The following ESPNL variants were observed in gnomAD, a reference collection of about 807,000 sequenced individuals.
ESPNL encodes espin like.
In ESPNL, 49 loss-of-function variants were observed where a neutral mutation model predicts 46.8. That is an observed-to-expected ratio of 1.05 (90% CI 0.83 to 1.33). ESPNL has a LOEUF of 1.33. Among genes scored for constraint, ESPNL ranks in the 40% most tolerant of loss-of-function variants. ESPNL has a pLI of 0.00. For synonymous variants in ESPNL, 664 were observed against 662.1 expected, an observed-to-expected ratio of 1.00 and a Z score of -0.04; for missense variants, 1,540 against 1,436.6, an observed-to-expected ratio of 1.07 and a Z score of -1.16.
chr2:238,116,189 TC>T (rs1409724047), intron 4 of ESPNL, among the ~76,000 whole-genome samples: 2 of 152,202 alleles, frequency 1.3e-5, no homozygotes, highest in Non-Finnish European at 2.9e-5. Flanking sequence ...AGGTCCCCCG[TC>T]CCTCTTCCAA....
rs754253280 is a variant in ESPNL, at chr2:238,130,563, G to T, written c.1849G>T (p.Asp617Tyr). ...LKGVHGLVQG[D>Y]EKPSTRPLQD... ...GGGCGTGCATGGGCTAGTACAGGGG[G>T]ATGAGAAGCCATCCACCCGGCCCCT... The change falls in exon 9 of 9, where the codon GAT becomes TAT. Residue 617 changes from aspartate to tyrosine, a missense_variant. Physicochemically the swap from Asp to Tyr is radical, Grantham distance 160. Coordinates refer to ENST00000343063, the MANE Select transcript of ESPNL (RefSeq NM_194312.4). 2.5e-6 allele frequency: 4 copies of T among 1,585,048 alleles called. No individual in the cohort carries two copies. Among genetic ancestry groups the T allele is most frequent in the East Asian group, 2.3e-5 (1 of 43,816 alleles).
intron 4 of ESPNL, among the ~76,000 whole-genome samples, chr2:238,111,949 T>G (rs1251710343): frequency 1.3e-5 from 2 of 152,234 alleles, no homozygotes; most frequent in African/African-American, 4.8e-5. Flanking sequence ...GGCCTTATAT[T>G]CTTGAGTAAA....
In ESPNL at chr2:238,131,809, C is replaced by T. The variant is rs1692349137; in HGVS notation, c.*77C>T. On this transcript the variant is annotated 3_prime_UTR_variant, in exon 9 of 9. Coordinates refer to ENST00000343063, the MANE Select transcript of ESPNL (RefSeq NM_194312.4). ...TCTCTTTTCTTTTCCTTGCTCACAC[C>T]CTTGGTGTTCAGGTGAGCCGGGCAA... 4 of 1,485,266 alleles carry T rather than the reference C, an allele frequency of 2.7e-6. No individual in the cohort carries two copies. Among genetic ancestry groups the T allele is most frequent in the African/African-American group, 1.4e-5 (1 of 71,388 alleles). 92.0% of individuals were successfully genotyped at this position (1,485,266 alleles called of 1,614,324 possible).
intron 4 of ESPNL, among the ~76,000 whole-genome samples, chr2:238,109,012 G>A (rs143010587): frequency 2.1e-4 from 32 of 151,940 alleles, no homozygotes; most frequent in Non-Finnish European, 3.8e-4. Context: ...ACCATCCCCC[G>A]TCCACTCAGC....
Position 238,128,796 on chromosome 2 carries a change from G to T in ESPNL, c.1305G>T (p.Leu435=). 1 of 1,568,430 alleles carries T rather than the reference G, an allele frequency of 6.4e-7. No homozygotes were observed. Among genetic ancestry groups the T allele is most frequent in the Non-Finnish European group, 8.6e-7 (1 of 1,157,778 alleles). The part of the protein sequence containing the change: ...DGLPSGDIDG[L]VPTRDERGQP... ...TGCCCTCAGGCGACATCGACGGGCT[G>T]GTGCCCACGCGGGATGAGCGCGGCC... The change falls in exon 8 of 9, where the codon CTG becomes CTT. Residue 435 remains leucine, a synonymous_variant. Coordinates refer to ENST00000343063, the MANE Select transcript of ESPNL (RefSeq NM_194312.4).
intron 5 of ESPNL, among the ~76,000 whole-genome samples, chr2:238,124,671 ATG>A (rs1346588209): frequency 3.2e-5 from 4 of 123,190 alleles, no homozygotes; most frequent in African/African-American, 9.6e-5. Context: ...GAGAGTGTAC[ATG>A]TGTGTGTGTG....
chr2:238,125,319 T>C lies in ESPNL; in HGVS notation c.1037T>C (p.Leu346Pro), dbSNP rs1360659322. 1.3e-6 allele frequency: 2 copies of C among 1,571,620 alleles called. No individual in the cohort carries two copies. The highest frequency in any genetic ancestry group is 8.6e-7 in the Non-Finnish European group (1 of 1,158,970). Residue 346 changes from leucine (L) to proline (P), a missense_variant, in exon 6 of 9, where the codon CTG becomes CCG. Leu to Pro is a moderately conservative substitution (Grantham distance 98). Transcript: ENST00000343063. ...CCACCACCGTTCCCCCCACCTCCAC[T>C]GTTGGCCACGAGGCGCTCCCTGGAG... ...PPPPPFPPPP[L>P]LATRRSLEDG...
At position 238,131,504 on chromosome 2, in the gene ESPNL, C is replaced by T. The variant is rs550874409; in HGVS notation, c.2790C>T (p.Ser930=). 1.1e-5 allele frequency: 18 copies of T among 1,611,734 alleles called. No individual in the cohort carries two copies. Among genetic ancestry groups the T allele is most frequent in the East Asian group, 1.1e-4 (5 of 44,838 alleles). Residue 930 remains serine (S), a synonymous_variant, in exon 9 of 9, where the codon AGC becomes AGT. Coordinates refer to ENST00000343063, the MANE Select transcript of ESPNL (RefSeq NM_194312.4). Reference sequence around the variant, plus strand: ...TCAAAGCCCGCTTCTTTGGCTCCAGCCAGCGTCCCGCCTGGGATACGGAGC... The same window carrying T: ...TCAAAGCCCGCTTCTTTGGCTCCAGTCAGCGTCCCGCCTGGGATACGGAGC... ...EDIKARFFGS[S]QRPAWDTEPG...
chr2:238,120,614 CG>C (rs1408505644), intron 5 of ESPNL, among the ~76,000 whole-genome samples: 1 of 152,266 alleles, frequency 6.6e-6, no homozygotes, highest in Non-Finnish European at 1.5e-5. Flanking sequence ...AACCCAACCC[CG>C]GGGCCTTCCC....
chr2:238,116,763 C>T, intron 4 of ESPNL, 140 bp from the exon 5 acceptor site: 1 of 1,149,200 alleles, frequency 8.7e-7, no homozygotes, highest in East Asian at 2.4e-5. Context: ...CCCCACGGCC[C>T]AGATTCAAGT....
At chr2:238,112,453 T>G (rs1271854817) in intron 4 of ESPNL, among the ~76,000 whole-genome samples, 1 of 148,072 alleles carries the variant, frequency 6.8e-6, no homozygotes, top group Non-Finnish European at 1.5e-5. Flanking sequence ...TTTCCAACGA[T>G]CAGGTTTTAA....
At chr2:238,126,687 T>C (rs1178556569) in intron 6 of ESPNL, among the ~76,000 whole-genome samples, 1 of 151,914 alleles carries the variant, frequency 6.6e-6, no homozygotes, top group African/African-American at 2.4e-5. Flanking sequence ...TGTGTGTATG[T>C]GATTGTGTCT....
intron 3 of ESPNL, among the ~76,000 whole-genome samples, chr2:238,105,780 G>T (rs766927901): frequency 3.3e-5 from 5 of 152,152 alleles, no homozygotes; most frequent in African/African-American, 1.2e-4. Context: ...GGAGCAGTAG[G>T]ATCTGACTGG....
chr2:238,113,405 G>T (rs1286507932), intron 4 of ESPNL, among the ~76,000 whole-genome samples: 1 of 152,168 alleles, frequency 6.6e-6, no homozygotes, highest in African/African-American at 2.4e-5. Context: ...ATGTGATCTG[G>T]CTGCCTGGAT....
rs1574733359 is a variant in ESPNL, at chr2:238,114,183, A to G, written c.856-2720A>G. On this transcript the variant is annotated intron_variant, in intron 4 of 8. Coordinates refer to ENST00000343063, the MANE Select transcript of ESPNL (RefSeq NM_194312.4). The surrounding 1 kb of genome is among the most constrained non-coding windows in gnomAD (Gnocchi z 5.0). The stretch of plus-strand genomic sequence containing the variant: ...TGTCACTACCCACCCTCTGCTGACA[A>G]TCCCAGCGGTGATGGGGTCCGTCAC... 6.6e-6 allele frequency among the ~76,000 whole-genome samples: 1 copy of G among 151,956 alleles called. No individual in the cohort carries two copies. Among genetic ancestry groups the G allele is most frequent in the African/African-American group, 2.4e-5 (1 of 41,350 alleles).
chr2:238,107,684 C>A, intron 3 of ESPNL, 107 bp from the exon 4 acceptor site: 1 of 1,163,168 alleles, frequency 8.6e-7, no homozygotes, highest in Non-Finnish European at 1.2e-6. Flanking sequence ...ACCCTGTGCC[C>A]CGAGAGGTAC....
Position 238,131,839 on chromosome 2 carries a change from G to C in ESPNL, c.*107G>C. 1 of 1,238,416 alleles carries C rather than the reference G, an allele frequency of 8.1e-7. No homozygotes were observed. Among genetic ancestry groups the C allele is most frequent in the Non-Finnish European group, 1.1e-6 (1 of 882,138 alleles). 76.7% of individuals were successfully genotyped at this position (1,238,416 alleles called of 1,614,324 possible). A position where few individuals can be genotyped will look rare whatever the true frequency, so the allele number is the denominator to read the frequency against. ...GTGTTCAGGTGAGCCGGGCAAGGCT[G>C]CCTCCAGTCCTACCAGTTATCGGAG... On this transcript the variant is annotated 3_prime_UTR_variant, in exon 9 of 9. Coordinates refer to ENST00000343063, the MANE Select transcript of ESPNL (RefSeq NM_194312.4).
chr2:238,125,800 G>A lies in ESPNL; in HGVS notation c.1102+416G>A, dbSNP rs990624339. On this transcript the variant is annotated intron_variant, in intron 6 of 8. Transcript: ENST00000343063. ...GAGTGGAGTGGAGTGGAGTGGAGTGGAGTGGAGTGGAATGGAATTATCAAC... is the reference window on the plus strand; with the variant it reads ...GAGTGGAGTGGAGTGGAGTGGAGTGAAGTGGAGTGGAATGGAATTATCAAC... 2.6e-5 allele frequency among the ~76,000 whole-genome samples: 4 copies of A among 152,176 alleles called. No homozygotes were observed. The East Asian group carries it at 7.7e-4, about 29-fold the overall frequency.
intron 4 of ESPNL, among the ~76,000 whole-genome samples, chr2:238,111,512 A>T (rs1172271714): frequency 3.3e-5 from 5 of 152,176 alleles, no homozygotes; most frequent in African/African-American, 1.2e-4. Context: ...ATGACTTAGG[A>T]TGCCTCATAT....
Sources: gnomAD v4.1 joint callset for allele counts (sites outside exome capture counted in the v4.1 genomes callset) on GRCh38, gnomAD v4.1.1 for gene constraint, Gnocchi (gnomAD v3.1) non-coding constraint, MANE v1.5 for transcripts, NCBI Gene and HGNC (gene_info 2026-07-23, HGNC 2026-07-21) for gene names.